PDZD2: variants seen among roughly 807,000 people sequenced by gnomAD.
The protein encoded by PDZD2 is PDZ domain-containing protein 2.
Under a neutral mutation model 220.7 loss-of-function variants are expected in PDZD2, and 90 were observed. The ratio of observed to expected loss-of-function variants is 0.41; its 90% CI spans 0.34 to 0.49. The LOEUF is 0.49. Ranked by LOEUF, PDZD2 falls within the 20% of genes least tolerant of loss-of-function variation. The pLI, the probability that PDZD2 is intolerant of heterozygous loss-of-function variation, is 0.28. For missense variants in PDZD2, 3,174 were observed against 3,608.5 expected, an observed-to-expected ratio of 0.88 and a Z score of 3.08; for synonymous variants, 1,375 against 1,450.5, an observed-to-expected ratio of 0.95 and a Z score of 1.18.
rs2150156591 is a variant in PDZD2 at position 31,731,122 on chromosome 5, G to A, written c.-360-67767G>A. Among the ~76,000 whole-genome samples, 2 of 152,198 alleles carry A rather than the reference G, an allele frequency of 1.3e-5. 1 individual carries two copies. The highest frequency in any genetic ancestry group is 4.2e-4 in the South Asian group (2 of 4,812). ...TCTCCTGTTTCCAGCCTGCAGTTTG[G>A]GTATTCAGAGGCTAAAGAGCCTTTT... is the stretch of plus-strand genomic sequence containing the variant. On this transcript the variant is annotated intron_variant, in intron 1 of 24. Coordinates refer to ENST00000438447, the MANE Select transcript of PDZD2 (RefSeq NM_178140.4).
intron 1 of PDZD2, among the ~76,000 whole-genome samples, chr5:31,745,802 G>A (rs1292079617): frequency 8.8e-6 from 1 of 113,988 alleles, no homozygotes; most frequent in Non-Finnish European, 1.8e-5. Flanking sequence ...CCTAACTCAT[G>A]TAAATGATTT....
chr5:31,780,231 A>G (rs1752979706), intron 1 of PDZD2, among the ~76,000 whole-genome samples: 1 of 151,994 alleles, frequency 6.6e-6, no homozygotes, highest in Non-Finnish European at 1.5e-5. Flanking sequence ...GGAAAAGTCA[A>G]GCACGTGAGA....
At chr5:31,782,707 ATTTTTTTTT>A (rs34166035) in intron 1 of PDZD2, among the ~76,000 whole-genome samples, 1 of 96,522 alleles carries the variant, frequency 1.0e-5, no homozygotes, top group Non-Finnish European at 1.9e-5. Context: ...ACCACTTTAG[ATTTTTTTTT>A]TTTTTTTTTT....
intron 5 of PDZD2, among the ~76,000 whole-genome samples, chr5:32,004,799 C>T (rs1752674662): frequency 6.6e-6 from 1 of 152,212 alleles, no homozygotes; most frequent in Admixed American, 6.5e-5. Flanking sequence ...CTGCTAGAGG[C>T]TTTGACTTTT....
rs753072207 is a variant in PDZD2 at position 32,087,602 on chromosome 5, T to A, written c.4154T>A (p.Val1385Glu). 1.2e-5 allele frequency: 20 copies of A among 1,613,956 alleles called. No individual in the cohort carries two copies. Among genetic ancestry groups the A allele is most frequent in the Non-Finnish European group, 1.7e-5 (20 of 1,179,990 alleles). The change falls in exon 20 of 25, where the codon GTG (valine) becomes GAG (glutamate). Residue 1385 changes from valine to glutamate, a missense_variant. Transcript: ENST00000438447. The surrounding 1 kb of genome is among the most constrained non-coding windows in gnomAD (Gnocchi z 4.0). ...TCCCTGCTGGAGGGAGCAGATTCTG[T>A]GTCCTCAAGGGCACCGCAGGCCAGC... ...EPSLLEGADS[V>E]SSRAPQASLS...
intron 6 of PDZD2, among the ~76,000 whole-genome samples, chr5:32,012,272 G>A (rs1198959815): frequency 3.3e-5 from 5 of 152,142 alleles, no homozygotes; most frequent in South Asian, 2.1e-4. Flanking sequence ...GGTCTGCGGC[G>A]AGGACAGCCC....
At chr5:31,669,650 A>G (rs912484833) in intron 1 of PDZD2, among the ~76,000 whole-genome samples, 3 of 152,206 alleles carry the variant, frequency 2.0e-5, no homozygotes, top group Non-Finnish European at 4.4e-5. Context: ...CAAAGTTCAC[A>G]GTAACAGAGG....
intron 2 of PDZD2, chr5:31,854,949 G>A: frequency 4.1e-6 from 4 of 985,294 alleles, no homozygotes; most frequent in Non-Finnish European, 4.8e-6. Context: ...GGAGCCGGCG[G>A]AGAGCAGCCT....
At chr5:32,078,093 A>G (rs1456601944) in intron 19 of PDZD2, 1 of 160,190 alleles carries the variant, frequency 6.2e-6, no homozygotes, top group African/African-American at 2.4e-5. Flanking sequence ...TTTTCATGCC[A>G]TGTTGAACAC....
chr5:31,776,777 T>C (rs1752682595), intron 1 of PDZD2, among the ~76,000 whole-genome samples: 1 of 150,806 alleles, frequency 6.6e-6, no homozygotes, highest in South Asian at 2.1e-4. Context: ...GCTTCCCGAG[T>C]AGCTGGGACT....
At chr5:32,025,554 CAAAA>C (rs869058957) in intron 6 of PDZD2, among the ~76,000 whole-genome samples, 2 of 95,854 alleles carry the variant, frequency 2.1e-5, no homozygotes, top group African/African-American at 4.2e-5. Context: ...AACAAACAAA[CAAAA>C]AACAACTAGT....
intron 2 of PDZD2, among the ~76,000 whole-genome samples, chr5:31,885,942 C>G (rs1740423894): frequency 6.6e-6 from 1 of 150,994 alleles, no homozygotes; most frequent in South Asian, 2.1e-4. Context: ...AAAATAATTT[C>G]TCTTTTTCTC....
chr5:31,822,810 C>T, intron 2 of PDZD2: 1 of 877,670 alleles, frequency 1.1e-6, no homozygotes, highest in Non-Finnish European at 1.8e-6. Flanking sequence ...CAACAGAAGA[C>T]CAATTCTCCT....
intron 1 of PDZD2, chr5:31,754,763 C>T (rs538383411): frequency 2.0e-5 from 3 of 152,268 alleles, no homozygotes; most frequent in African/African-American, 4.8e-5. Flanking sequence ...ACTCACTTCT[C>T]CTGGCCTCAT....
At chr5:32,070,532 A>G (rs56359049) in intron 15 of PDZD2, among the ~76,000 whole-genome samples, 8,172 of 152,288 alleles carry the variant, frequency 0.054, 279 homozygotes, top group African/African-American at 0.083. Context: ...GCTTCATGGC[A>G]TATAGTTTAA....
intron 2 of PDZD2, among the ~76,000 whole-genome samples, chr5:31,920,812 C>T (rs4867089): frequency 0.36 from 55,151 of 151,898 alleles, 10,370 homozygotes; most frequent in African/African-American, 0.46. Context: ...CAGGGATCTT[C>T]TTACTGTCTC....
chr5:31,780,240 G>T (rs1752980643), intron 1 of PDZD2, among the ~76,000 whole-genome samples: 1 of 152,110 alleles, frequency 6.6e-6, no homozygotes, highest in South Asian at 2.1e-4. Context: ...AAGCACGTGA[G>T]AGTGGGGTGG....
intron 2 of PDZD2, among the ~76,000 whole-genome samples, chr5:31,912,250 G>A (rs890232370): frequency 1.3e-5 from 2 of 152,106 alleles, no homozygotes; most frequent in East Asian, 1.9e-4. Context: ...GTTCATAGAC[G>A]GTGCCTTCTT....
At chr5:32,080,868 A>G (rs144643221) in intron 19 of PDZD2, among the ~76,000 whole-genome samples, 10,187 of 152,102 alleles carry the variant, frequency 0.067, 572 homozygotes, top group African/African-American at 0.16. Flanking sequence ...GAGCTAAACA[A>G]TGAGAACACA....
Sources: gnomAD v4.1 joint callset for allele counts (sites outside exome capture counted in the v4.1 genomes callset) on GRCh38, gnomAD v4.1.1 for gene constraint, Gnocchi (gnomAD v3.1) non-coding constraint, MANE v1.5 for transcripts, NCBI Gene and HGNC (gene_info 2026-07-23, HGNC 2026-07-21) for gene names.